PKD1: variants seen among roughly 807,000 people sequenced by gnomAD.
PKD1 encodes polycystin 1, transient receptor potential channel interacting.
In PKD1, 81 loss-of-function variants were observed where a neutral mutation model predicts 361.7. The observed-to-expected ratio is 0.22, with a 90% CI of 0.19 to 0.27. The LOEUF is 0.27. Among genes scored for constraint, PKD1 ranks in the 10% least tolerant of loss-of-function variants. PKD1 has a pLI of 1.00. For synonymous variants in PKD1, 3,615 were observed against 2,818.3 expected (o/e 1.28, Z -8.95); for missense variants, 6,399 against 6,118.3 (o/e 1.05, Z -1.53).
chr16:2,115,101 C>G lies in PKD1; in HGVS notation c.2098-176G>C, dbSNP rs759856181. 8 of 983,932 alleles carry G rather than the reference C, an allele frequency of 8.1e-6. No individual in the cohort carries two copies. In the South Asian group the frequency reaches 3.8e-4, roughly 46 times the overall value. 61.0% of individuals were successfully genotyped at this position (983,932 alleles called of 1,614,324 possible). ...GGACAGTTGCAGACCGGGGGACACA[C>G]GGGGAGAGGACACAGGCCAAGACCT... On this transcript the variant is annotated intron_variant, in intron 10 of 45. Coordinates refer to ENST00000262304, the MANE Select transcript of PKD1 (RefSeq NM_001009944.3).
chr16:2,115,445 C>A lies in PKD1; in HGVS notation c.2030G>T (p.Gly677Val). Residue 677 changes from glycine (G) to valine (V), a missense_variant, in exon 10 of 46, where the codon GGG (glycine) becomes GTG (valine). Gly to Val is a moderately radical substitution (Grantham distance 109). Coordinates refer to ENST00000262304, the MANE Select transcript of PKD1 (RefSeq NM_001009944.3). ...NGCTSGPGLP[G>V]APYALWREFL... ...CTCTCTCCATAGCGCATAGGGGGCC[C>A]CGGGTAGCCCTGGCCCTGACGTGCA... 1 of 1,597,566 alleles carries A rather than the reference C, an allele frequency of 6.3e-7. No homozygotes were observed. The highest frequency in any genetic ancestry group is 8.5e-7 in the Non-Finnish European group (1 of 1,173,730).
chr16:2,126,993 G>A (rs1281615734), intron 1 of PKD1, among the ~76,000 whole-genome samples: 2 of 152,210 alleles, frequency 1.3e-5, no homozygotes, highest in Admixed American at 1.3e-4. Flanking sequence ...GGATGGCAGA[G>A]GAGATCCACA....
Position 2,102,566 on chromosome 16 carries a change from C to G in PKD1, c.9016G>C (p.Val3006Leu), listed in dbSNP as rs1295135473. 2 of 1,610,980 alleles carry G rather than the reference C, an allele frequency of 1.2e-6. No individual in the cohort carries two copies. Among genetic ancestry groups the G allele is most frequent in the African/African-American group, 2.7e-5 (2 of 74,890 alleles). The change falls in exon 25 of 46, where the codon GTG becomes CTG. Residue 3006 changes from valine (V) to leucine (L), a missense_variant. Physicochemically the swap from Val to Leu is conservative, Grantham distance 32 (BLOSUM62 1). Transcript: ENST00000262304. ...SSHFRWSALQ[V>L]SVGLYTSLCQ... Reference sequence around the variant, plus strand: ...AGGGACGTGTACAGGCCCACGGACACCTGCAGCGCCGACCAGCGGAAGTGG... The same window carrying G: ...AGGGACGTGTACAGGCCCACGGACAGCTGCAGCGCCGACCAGCGGAAGTGG...
intron 34 of PKD1, 109 bp downstream of exon 34, chr16:2,097,039 T>C (rs1386836091): frequency 1.3e-6 from 1 of 756,748 alleles, no homozygotes; most frequent in Non-Finnish European, 2.3e-6. Context: ...GCCACAGCCC[T>C]GCCCTGGCAC....
chr16:2,103,447 G>C lies in PKD1; in HGVS notation c.8610C>G (p.Arg2870=). The C allele has an allele frequency of 6.3e-7, 1 of 1,599,174 alleles. No individual in the cohort carries two copies. The highest frequency in any genetic ancestry group is 1.1e-5 in the South Asian group (1 of 90,986). Residue 2870 remains arginine, a synonymous_variant, in exon 23 of 46, where the codon CGC becomes CGG. Transcript: ENST00000262304. ...QIPIERLASE[R]AITVKVPNNS... Reference sequence around the variant, plus strand: ...TGTTGGGCACCTTCACGGTGATGGCGCGCTCTGAGGCCAGCCGCTCGATGG... The same window carrying C: ...TGTTGGGCACCTTCACGGTGATGGCCCGCTCTGAGGCCAGCCGCTCGATGG...
intron 16 of PKD1, chr16:2,107,180 C>G (rs369677183): frequency 1.6e-4 from 95 of 588,724 alleles, no homozygotes; most frequent in East Asian, 4.4e-4. Context: ...GTGTACTGGA[C>G]CCAGCTGGAC....
chr16:2,093,921 C>A lies in PKD1; in HGVS notation c.10711G>T (p.Ala3571Ser). Residue 3571 changes from alanine (A) to serine (S), a missense_variant, in exon 36 of 46, where the codon GCT becomes TCT. By Grantham distance (99) the Ala-to-Ser change is moderately conservative. Coordinates refer to ENST00000262304, the MANE Select transcript of PKD1 (RefSeq NM_001009944.3). Reference sequence around the variant, plus strand: ...CTCGCACCCACCCACCCTGAGACAGCCACAGCCACAGCCACCAGGAGCAGG... The same window carrying A: ...CTCGCACCCACCCACCCTGAGACAGACACAGCCACAGCCACCAGGAGCAGG... ...LSLLLVAVAV[A>S]VSGWVGASFP... 1.9e-6 allele frequency: 3 copies of A among 1,582,088 alleles called. No individual in the cohort carries two copies. Among genetic ancestry groups the A allele is most frequent in the Non-Finnish European group, 2.6e-6 (3 of 1,168,694 alleles).
intron 26 of PKD1, among the ~76,000 whole-genome samples, chr16:2,101,423 G>A (rs188000880): frequency 0.026 from 3,960 of 152,182 alleles, 83 homozygotes; most frequent in Non-Finnish European, 0.041. Context: ...CGAGGCAGGC[G>A]GATCACCTGA....
rs1230301394 is a variant in PKD1 at position 2,105,940 on chromosome 16, G to A, written c.7788C>T (p.Leu2596=). Residue 2596 remains leucine (L), a synonymous_variant, in exon 20 of 46, where the codon CTC becomes CTT. Transcript: ENST00000262304. ...GATCGGCCTGCCGCAGCAGCCCTGG[G>A]AGCACACTAGCGGTGAGCCCGTGCA... is the stretch of plus-strand genomic sequence containing the variant. ...VWLHGLTASV[L]PGLLRQADPQ... 2.5e-6 allele frequency: 4 copies of A among 1,598,434 alleles called. No individual in the cohort carries two copies. Among genetic ancestry groups the A allele is most frequent in the Admixed American group, 1.7e-5 (1 of 60,012 alleles).
Position 2,108,448 on chromosome 16 carries a change from G to A in PKD1, c.6719C>T (p.Pro2240Leu), listed in dbSNP as rs1166959039. Residue 2240 changes from proline to leucine, a missense_variant, in exon 15 of 46, where the codon CCA becomes CTA. Transcript: ENST00000262304. ...FVFVVSFGDT[P>L]LTQSIQANVT... Reference sequence around the variant, plus strand: ...ATTGGCCTGGATGCTCTGTGTCAGTGGCGTGTCCCCAAATGACACGACAAA... The same window carrying A: ...ATTGGCCTGGATGCTCTGTGTCAGTAGCGTGTCCCCAAATGACACGACAAA... 2.5e-6 allele frequency: 4 copies of A among 1,610,478 alleles called. No individual in the cohort carries two copies. Among genetic ancestry groups the A allele is most frequent in the South Asian group, 1.1e-5 (1 of 90,990 alleles).
chr16:2,108,500 G>A lies in PKD1; in HGVS notation c.6667C>T (p.Leu2223=), dbSNP rs144678046. The A allele has an allele frequency of 6.2e-7, 1 of 1,609,002 alleles. No homozygotes were observed. The highest frequency in any genetic ancestry group is 1.3e-5 in the African/African-American group (1 of 74,960). Residue 2223 remains leucine, a synonymous_variant, in exon 15 of 46, where the codon CTG becomes TTG. Coordinates refer to ENST00000262304, the MANE Select transcript of PKD1 (RefSeq NM_001009944.3). Reference sequence around the variant, plus strand: ...ACAAAGCAGTAGTGCCCCACAGGCAGCGCCAGCCGCGGCAGCACCAGCCGA... The same window carrying A: ...ACAAAGCAGTAGTGCCCCACAGGCAACGCCAGCCGCGGCAGCACCAGCCGA... ...RPRLVLPRLA[L]PVGHYCFVFV...
intron 1 of PKD1, 135 bp downstream of exon 1, chr16:2,135,340 G>A (rs904933545): frequency 5.6e-6 from 6 of 1,072,946 alleles, no homozygotes; most frequent in African/African-American, 1.7e-5. Context: ...TATTTAGCAG[G>A]GCCGCCGTGC....
At chr16:2,096,388 C>A (rs1014785991) in intron 34 of PKD1, among the ~76,000 whole-genome samples, 1 of 152,278 alleles carries the variant, frequency 6.6e-6, no homozygotes, top group Non-Finnish European at 1.5e-5. Flanking sequence ...CGGGGTCACA[C>A]GCGTGGGAAC....
Position 2,092,763 on chromosome 16 carries a change from T to C in PKD1, c.11157-171A>G, listed in dbSNP as rs2091655307. The C allele has an allele frequency of 6.0e-6, 5 of 838,676 alleles. No individual in the cohort carries two copies. In the Admixed American group the frequency reaches 7.9e-5, roughly 13 times the overall value. 52.0% of individuals were successfully genotyped at this position (838,676 alleles called of 1,614,324 possible). A position where few individuals can be genotyped will look rare whatever the true frequency, so the allele number is the denominator to read the frequency against. On this transcript the variant is annotated intron_variant, in intron 38 of 45. Transcript: ENST00000262304. ...TTCTGGGGCAGACAGTTGTCTGTCATGGGCCCGTCCTGTGCACTGCAAGAC... is the reference window on the plus strand; with the variant it reads ...TTCTGGGGCAGACAGTTGTCTGTCACGGGCCCGTCCTGTGCACTGCAAGAC...
rs771162086 is a variant in PKD1 at position 2,097,219 on chromosome 16, G to A, written c.10428C>T (p.Val3476=). ...CTGGGCTGCTGACCCCCTCGGCAAG[G>A]ACCTGCTGGATCAGGTCTTCATCTA... ...SASDEDLIQQ[V]LAEGVSSPAP... is the part of the protein sequence containing the mutation. The change falls in exon 34 of 46, where the codon GTC becomes GTT. Residue 3476 remains valine, a synonymous_variant. Transcript: ENST00000262304. 5 of 1,577,100 alleles carry A rather than the reference G, an allele frequency of 3.2e-6. No homozygotes were observed. The highest frequency in any genetic ancestry group is 3.7e-5 in the Admixed American group (2 of 54,328).
chr16:2,089,583 C>T lies in PKD1; in HGVS notation c.*144G>A. ...ACAGCCTCTTTAAAGTGCTGAAGCC[C>T]ACAGACAGACAGATGCCCCTGCCTG... On this transcript the variant is annotated 3_prime_UTR_variant, in exon 46 of 46. Coordinates refer to ENST00000262304, the MANE Select transcript of PKD1 (RefSeq NM_001009944.3). The T allele has an allele frequency of 9.5e-7, 1 of 1,052,850 alleles. No individual in the cohort carries two copies. Among genetic ancestry groups the T allele is most frequent in the South Asian group, 1.5e-5 (1 of 66,714 alleles). 65.2% of individuals were successfully genotyped at this position (1,052,850 alleles called of 1,614,324 possible).
rs372104982 is a variant in PKD1 at position 2,105,960 on chromosome 16, C to G, written c.7768G>C (p.Gly2590Arg). ...SATGLTVWLH[G>R]LTASVLPGLL... ...CCTGGGAGCACACTAGCGGTGAGCCCGTGCAGCCAGACTGTGAGCCCCGTT... is the reference window on the plus strand; with the variant it reads ...CCTGGGAGCACACTAGCGGTGAGCCGGTGCAGCCAGACTGTGAGCCCCGTT... Residue 2590 changes from glycine to arginine, a missense_variant, in exon 20 of 46, where the codon GGG becomes CGG. Transcript: ENST00000262304. 4 of 1,600,142 alleles carry G rather than the reference C, an allele frequency of 2.5e-6. No homozygotes were observed. Among genetic ancestry groups the G allele is most frequent in the Non-Finnish European group, 3.4e-6 (4 of 1,179,594 alleles).
rs1027901237 is a variant in PKD1 at position 2,114,796 on chromosome 16, G to C, written c.2227C>G (p.Leu743Val). The C allele has an allele frequency of 2.8e-6, 3 of 1,076,022 alleles. No individual in the cohort carries two copies. Among genetic ancestry groups the C allele is most frequent in the Non-Finnish European group, 4.1e-6 (3 of 733,982 alleles). 66.7% of individuals were successfully genotyped at this position (1,076,022 alleles called of 1,614,324 possible). A position where few individuals can be genotyped will look rare whatever the true frequency, so the allele number is the denominator to read the frequency against. ...PGHPGPRAPY[L>V]SANASSWLPH... Reference sequence around the variant, plus strand: ...AGCCATGACGAGGCGTTGGCGGAGAGGTACGGGGCCCGGGGACCAGGGTGG... The same window carrying C: ...AGCCATGACGAGGCGTTGGCGGAGACGTACGGGGCCCGGGGACCAGGGTGG... The change falls in exon 11 of 46, where the codon CTC becomes GTC. Residue 743 changes from leucine (L) to valine (V), a missense_variant. Transcript: ENST00000262304.
At chr16:2,112,638 C>A in intron 13 of PKD1, 150 bp downstream of exon 13, 1 of 1,063,572 alleles carries the variant, frequency 9.4e-7, no homozygotes, top group Non-Finnish European at 1.4e-6. Flanking sequence ...CCCGTGCAGC[C>A]TCAGGGCTCC....
Sources: allele counts gnomAD v4.1 joint callset (sites outside exome capture counted in the v4.1 genomes callset), GRCh38; gene constraint gnomAD v4.1.1; transcripts MANE v1.5; gene names NCBI Gene and HGNC (gene_info 2026-07-23, HGNC 2026-07-21).